Variants in SUCLA2 observed in about 807,000 individuals in gnomAD.
SUCLA2 encodes succinate-CoA ligase ADP-forming subunit beta.
SUCLA2 carries 30 observed loss-of-function variants against 54.8 expected under a neutral mutation model. That is an observed-to-expected ratio of 0.55 (90% CI 0.41 to 0.74). The LOEUF (loss-of-function observed/expected upper bound fraction) is 0.74, where lower values mean the gene tolerates loss of function less well. SUCLA2 is among the 30% of genes least tolerant of loss of function. The pLI is 0.00. For synonymous variants in SUCLA2, 172 were observed against 188.9 expected (o/e 0.91, Z 0.74); for missense variants, 476 against 562.9 (o/e 0.85, Z 1.56).
At chr13:47,960,104 AG>A (rs2137702527) in intron 6 of SUCLA2, among the ~76,000 whole-genome samples, 1 of 152,270 alleles carries the variant, frequency 6.6e-6, no homozygotes, top group South Asian at 2.1e-4. Flanking sequence ...TGTAGCCTCC[AG>A]GGTAGACTGA....
chr13:47,952,603 GA>G (rs1349250348), intron 8 of SUCLA2, among the ~76,000 whole-genome samples: 2 of 151,558 alleles, frequency 1.3e-5, no homozygotes, highest in East Asian at 1.9e-4. Context: ...CAGAAAAGAA[GA>G]AAAAAAATGA....
chr13:47,946,547 C>T (rs1949733203), intron 10 of SUCLA2, among the ~76,000 whole-genome samples: 2 of 149,062 alleles, frequency 1.3e-5, no homozygotes, highest in Admixed American at 6.7e-5. Context: ...ACTTTGGAAT[C>T]ATGTAAATAC....
At position 47,943,183 on chromosome 13, in the gene SUCLA2, G is replaced by T; in HGVS notation, c.*188C>A. The T allele has an allele frequency of 1.6e-6, 1 of 640,238 alleles. No homozygotes were observed. The highest frequency in any genetic ancestry group is 2.8e-6 in the Non-Finnish European group (1 of 356,560). 39.7% of individuals were successfully genotyped at this position (640,238 alleles called of 1,614,324 possible). A position where few individuals can be genotyped will look rare whatever the true frequency, so the allele number is the denominator to read the frequency against. On this transcript the variant is annotated 3_prime_UTR_variant, in exon 11 of 11. Coordinates refer to ENST00000646932, the MANE Select transcript of SUCLA2 (RefSeq NM_003850.3). ...GAAAGAAGATAACTGCATTATACATGCTTCGTACAAACAGTCCATTCTGAA... is the reference window on the plus strand; with the variant it reads ...GAAAGAAGATAACTGCATTATACATTCTTCGTACAAACAGTCCATTCTGAA...
At chr13:47,976,562 A>G (rs1279542686) in intron 4 of SUCLA2, among the ~76,000 whole-genome samples, 1 of 152,150 alleles carries the variant, frequency 6.6e-6, no homozygotes, top group African/African-American at 2.4e-5. Flanking sequence ...TCGAGAACAA[A>G]GGAGAGTACA....
intron 8 of SUCLA2, among the ~76,000 whole-genome samples, chr13:47,951,158 A>G (rs1318260840): frequency 6.6e-6 from 1 of 152,176 alleles, no homozygotes; most frequent in African/African-American, 2.4e-5. Flanking sequence ...ACTACCATGG[A>G]TAAATCCTGG....
chr13:47,956,823 C>T (rs75962469), intron 6 of SUCLA2: 2 of 152,066 alleles, frequency 1.3e-5, no homozygotes, highest in Non-Finnish European at 2.9e-5. Context: ...ATAACAACAA[C>T]AAAAAAATCA....
chr13:48,001,076 A>C (rs1950227370), intron 1 of SUCLA2, 104 bp downstream of exon 1: 1 of 1,527,480 alleles, frequency 6.5e-7, no homozygotes. Context: ...CACCCAGAAA[A>C]TGTCACTGCC....
chr13:47,989,279 C>T (rs550424236), intron 2 of SUCLA2, among the ~76,000 whole-genome samples: 1 of 150,220 alleles, frequency 6.7e-6, no homozygotes, highest in South Asian at 2.1e-4. Context: ...GGCGCGATCT[C>T]GGCTCACTGT....
chr13:47,986,735 G>A (rs1950107581), intron 4 of SUCLA2, among the ~76,000 whole-genome samples: 1 of 152,190 alleles, frequency 6.6e-6, no homozygotes, highest in African/African-American at 2.4e-5. Context: ...ATGGTGTAGG[G>A]AAGGGGTTCA....
intron 2 of SUCLA2, among the ~76,000 whole-genome samples, chr13:47,989,689 C>T (rs554509264): frequency 8.9e-4 from 136 of 152,282 alleles, no homozygotes; most frequent in Non-Finnish European, 1.5e-3. Flanking sequence ...CACATGTAAA[C>T]TTGCTGTCCT....
intron 9 of SUCLA2, among the ~76,000 whole-genome samples, 161 bp downstream of exon 9, chr13:47,949,322 C>T (rs1390547261): frequency 6.6e-6 from 1 of 151,932 alleles, no homozygotes; most frequent in Non-Finnish European, 1.5e-5. Flanking sequence ...AACATTTTGC[C>T]CCAATGTTAA....
chr13:47,956,275 G>A (rs921084012), intron 6 of SUCLA2, among the ~76,000 whole-genome samples: 8 of 151,960 alleles, frequency 5.3e-5, no homozygotes, highest in Non-Finnish European at 1.2e-4. Context: ...TATAATATCT[G>A]AAATAAAAAA....
At chr13:47,963,461 T>C (rs1021013996) in intron 6 of SUCLA2, among the ~76,000 whole-genome samples, 4 of 151,956 alleles carry the variant, frequency 2.6e-5, no homozygotes, top group Non-Finnish European at 4.4e-5. Context: ...CTGGCTAACA[T>C]GGAGAAACAC....
chr13:47,983,737 C>T (rs1950077139), intron 4 of SUCLA2, among the ~76,000 whole-genome samples: 1 of 152,150 alleles, frequency 6.6e-6, no homozygotes, highest in Non-Finnish European at 1.5e-5. Flanking sequence ...GATCCACCCG[C>T]CTCGGCCTCT....
At position 47,994,340 on chromosome 13, in the gene SUCLA2, C is replaced by T. The variant is rs532110281; in HGVS notation, c.271+2503G>A. Among the ~76,000 whole-genome samples, 40 of 152,028 alleles carry T rather than the reference C, an allele frequency of 2.6e-4. No homozygotes were observed. The Middle Eastern group carries it at 0.01, about 39-fold the overall frequency. ...ATCCCAGCACTTTGGGAGGCCTAGG[C>T]GGGTGGATCACAAGGTCAGGGGTTC... On this transcript the variant is annotated intron_variant, in intron 2 of 10. Coordinates refer to ENST00000646932, the MANE Select transcript of SUCLA2 (RefSeq NM_003850.3).
At chr13:47,963,817 G>A (rs73493331) in intron 6 of SUCLA2, among the ~76,000 whole-genome samples, 6,502 of 152,206 alleles carry the variant, frequency 0.043, 289 homozygotes, top group African/African-American at 0.11. Flanking sequence ...TGTCTATCTT[G>A]GTACCTATTA....
Position 47,948,974 on chromosome 13 carries a change from A to C in SUCLA2, c.1283T>G (p.Leu428Arg), listed in dbSNP as rs776452909. The C allele has an allele frequency of 3.3e-5, 53 of 1,613,744 alleles. No individual in the cohort carries two copies. The highest frequency in any genetic ancestry group is 4.2e-5 in the Non-Finnish European group (50 of 1,179,792). The change falls in exon 10 of 11, where the codon CTT becomes CGT. Residue 428 changes from leucine (L) to arginine (R), a missense_variant. Physicochemically the swap from Leu to Arg is moderately radical, Grantham distance 102 (BLOSUM62 -2). This residue lies in a region of SUCLA2 where 342 missense variants were observed against 444.2 expected (regional missense o/e 0.77). Transcript: ENST00000646932. ...ALIADSGLKILACDDLDEAAR... is the reference protein window; with the variant it reads ...ALIADSGLKIRACDDLDEAAR... Reference sequence around the variant, plus strand: ...AGCTTCATCCAAGTCATCACAAGCAAGTATTTTAAGTCCACTGTCCGCTAT... The same window carrying C: ...AGCTTCATCCAAGTCATCACAAGCACGTATTTTAAGTCCACTGTCCGCTAT...
At chr13:47,982,081 G>A (rs553091936) in intron 4 of SUCLA2, among the ~76,000 whole-genome samples, 2 of 152,248 alleles carry the variant, frequency 1.3e-5, no homozygotes, top group East Asian at 3.9e-4. Flanking sequence ...ATATGATCCA[G>A]TAATCCCACT....
At chr13:47,978,602 T>A (rs1473875434) in intron 4 of SUCLA2, among the ~76,000 whole-genome samples, 1 of 152,154 alleles carries the variant, frequency 6.6e-6, no homozygotes, top group African/African-American at 2.4e-5. Flanking sequence ...GACATAGGCA[T>A]AGGCAAGGAC....
Sources: gnomAD v4.1 joint callset for allele counts (sites outside exome capture counted in the v4.1 genomes callset) on GRCh38, gnomAD v4.1.1 for gene constraint, gnomAD v4.1.1 regional missense constraint, MANE v1.5 for transcripts, NCBI Gene and HGNC (gene_info 2026-07-23, HGNC 2026-07-21) for gene names.